The following PLPP3 variants were observed in gnomAD, a reference collection of about 807,000 sequenced individuals.
The protein encoded by PLPP3 is PAP2 beta.
PLPP3 carries 6 observed loss-of-function variants against 29.6 expected under a neutral mutation model. The ratio of observed to expected loss-of-function variants is 0.20; its 90% CI spans 0.11 to 0.40. The LOEUF (loss-of-function observed/expected upper bound fraction) is 0.40, where lower values mean the gene tolerates loss of function less well. Among genes scored for constraint, PLPP3 ranks in the 10% least tolerant of loss-of-function variants. The probability of loss-of-function intolerance (pLI) is 1.00; values close to 1 mark genes in which losing one functional copy is unlikely to be tolerated. For synonymous variants in PLPP3, 152 were observed against 159.7 expected, an observed-to-expected ratio of 0.95 and a Z score of 0.36; for missense variants, 308 against 407.7, an observed-to-expected ratio of 0.76 and a Z score of 2.11.
chr1:56,568,218 G>A (rs1646174565), intron 1 of PLPP3, among the ~76,000 whole-genome samples: 2 of 151,886 alleles, frequency 1.3e-5, no homozygotes, highest in Admixed American at 6.6e-5. Context: ...ATTGGTTGTG[G>A]TGATAGTTTA....
chr1:56,547,924 C>A (rs1646016283), intron 1 of PLPP3, among the ~76,000 whole-genome samples: 1 of 152,188 alleles, frequency 6.6e-6, no homozygotes, highest in South Asian at 2.1e-4. Flanking sequence ...AAAGAGGATG[C>A]CAATATCCAC....
In PLPP3 at chr1:56,495,122, T is replaced by C. The variant is rs1206928912; in HGVS notation, c.*1429A>G. The C allele has an allele frequency of 6.6e-6, 1 of 152,228 alleles. No individual in the cohort carries two copies. The highest frequency in any genetic ancestry group is 2.4e-5 in the African/African-American group (1 of 41,414). The allele number at this position is 152,228 out of a possible 1,614,324, so 9.4% of individuals were successfully genotyped here. A position where few individuals can be genotyped will look rare whatever the true frequency, so the allele number is the denominator to read the frequency against. On this transcript the variant is annotated 3_prime_UTR_variant, in exon 6 of 6. Coordinates refer to ENST00000371250, the MANE Select transcript of PLPP3 (RefSeq NM_003713.5). ...ATCTTACATAGTTAACTTTTAATGT[T>C]TTATACATTATTTATATAATATTTA...
At position 56,546,889 on chromosome 1, in the gene PLPP3, G is replaced by A. The variant is rs1469314219; in HGVS notation, c.140-9777C>T. Among the ~76,000 whole-genome samples, 6 of 152,320 alleles carry A rather than the reference G, an allele frequency of 3.9e-5. No homozygotes were observed. In the East Asian group the frequency reaches 1.2e-3, roughly 29 times the overall value. ...TATGTGATACTAAATGGGAATATCA[G>A]AGAGTTTTATTTTTAAAAGCAATAG... On this transcript the variant is annotated intron_variant, in intron 1 of 5. Coordinates refer to ENST00000371250, the MANE Select transcript of PLPP3 (RefSeq NM_003713.5).
At chr1:56,535,647 G>T (rs1350780185) in intron 2 of PLPP3, among the ~76,000 whole-genome samples, 1 of 152,200 alleles carries the variant, frequency 6.6e-6, no homozygotes, top group Non-Finnish European at 1.5e-5. Context: ...TAAGGAGAAA[G>T]GGATTGGCCT....
chr1:56,572,896 T>C (rs548306143), intron 1 of PLPP3, among the ~76,000 whole-genome samples: 1 of 152,328 alleles, frequency 6.6e-6, no homozygotes, highest in Non-Finnish European at 1.5e-5. Context: ...TTGCTTATTT[T>C]ACAGATGAGG....
chr1:56,543,633 G>A (rs1645984246), intron 1 of PLPP3, among the ~76,000 whole-genome samples: 1 of 152,130 alleles, frequency 6.6e-6, no homozygotes, highest in African/African-American at 2.4e-5. Flanking sequence ...TTTGGTTTAC[G>A]ATATTTGTCC....
chr1:56,502,605 A>G (rs1645675971), intron 5 of PLPP3, among the ~76,000 whole-genome samples: 1 of 152,228 alleles, frequency 6.6e-6, no homozygotes, highest in African/African-American at 2.4e-5. Flanking sequence ...CTGCCATTGC[A>G]TGGCTGTGTG....
chr1:56,548,596 AG>A (rs1271142631), intron 1 of PLPP3, among the ~76,000 whole-genome samples: 1 of 152,184 alleles, frequency 6.6e-6, no homozygotes, highest in East Asian at 1.9e-4. Context: ...CCTCCTTTGA[AG>A]GGGAGACTCC....
chr1:56,570,852 T>C (rs992969720), intron 1 of PLPP3, among the ~76,000 whole-genome samples: 1 of 152,308 alleles, frequency 6.6e-6, no homozygotes, highest in South Asian at 2.1e-4. Flanking sequence ...CCAGCTCAAA[T>C]CATTCAGCAG....
chr1:56,553,505 T>C (rs190974680), intron 1 of PLPP3, among the ~76,000 whole-genome samples: 1 of 152,282 alleles, frequency 6.6e-6, no homozygotes, highest in Non-Finnish European at 1.5e-5. Flanking sequence ...CTTACAGCCA[T>C]GACACCACAC....
chr1:56,563,065 C>A (rs1646141051), intron 1 of PLPP3, among the ~76,000 whole-genome samples: 1 of 152,168 alleles, frequency 6.6e-6, no homozygotes, highest in Non-Finnish European at 1.5e-5. Flanking sequence ...TGCTATGATT[C>A]CTATGGTTTG....
chr1:56,559,076 T>A (rs144461484), intron 1 of PLPP3, among the ~76,000 whole-genome samples: 138 of 152,312 alleles, frequency 9.1e-4, no homozygotes, highest in African/African-American at 3.1e-3. Flanking sequence ...AGAGCTGGAA[T>A]GGCTTGAGAT....
chr1:56,533,371 A>G (rs924832778), intron 2 of PLPP3, among the ~76,000 whole-genome samples: 5 of 152,146 alleles, frequency 3.3e-5, no homozygotes, highest in African/African-American at 1.2e-4. Context: ...GCTAAGTTTC[A>G]TGACAAGAGA....
chr1:56,500,091 G>A (rs1055827014), intron 5 of PLPP3, among the ~76,000 whole-genome samples: 6 of 152,174 alleles, frequency 3.9e-5, no homozygotes, highest in Non-Finnish European at 1.5e-5. Context: ...TTTCAATTCC[G>A]TTTCTCCAAT....
rs368207218 is a variant in PLPP3, at chr1:56,532,739, T to C, written c.297+4216A>G. 4.5e-4 allele frequency among the ~76,000 whole-genome samples: 68 copies of C among 152,286 alleles called. 2 individuals carry two copies. The South Asian group carries it at 0.014, about 31-fold the overall frequency. On this transcript the variant is annotated intron_variant, in intron 2 of 5. Transcript: ENST00000371250. ...TTTCTGCCCCCAGTTTATGGCCTCT[T>C]CTGTGATTTTTCACAAACATATATT...
chr1:56,578,118 C>A (rs1427681366), intron 1 of PLPP3, among the ~76,000 whole-genome samples: 1 of 152,140 alleles, frequency 6.6e-6, no homozygotes, highest in African/African-American at 2.4e-5. Context: ...CCTCAACTTT[C>A]TGGGGGCGCA....
chr1:56,575,040 G>C (rs1388122989), intron 1 of PLPP3, among the ~76,000 whole-genome samples: 2 of 152,196 alleles, frequency 1.3e-5, no homozygotes, highest in Non-Finnish European at 2.9e-5. Flanking sequence ...ATGATTCACA[G>C]AGCTAATATA....
At chr1:56,538,972 C>T (rs188524863) in intron 1 of PLPP3, 1 of 56,338 alleles carries the variant, frequency 1.8e-5, no homozygotes, top group African/African-American at 9.2e-5. Flanking sequence ...AAAAAAAAAA[C>T]ACAGTGGATA....
chr1:56,564,024 C>T (rs1376685069), intron 1 of PLPP3, among the ~76,000 whole-genome samples: 1 of 152,222 alleles, frequency 6.6e-6, no homozygotes, highest in Non-Finnish European at 1.5e-5. Flanking sequence ...TTTAAATTTT[C>T]TGACTTGCTT....
Sources: allele counts gnomAD v4.1 joint callset (sites outside exome capture counted in the v4.1 genomes callset), GRCh38; gene constraint gnomAD v4.1.1; transcripts MANE v1.5; gene names NCBI Gene and HGNC (gene_info 2026-07-23, HGNC 2026-07-21).